The following HS6ST2 variants were observed in gnomAD, a reference collection of about 807,000 sequenced individuals.
The protein encoded by HS6ST2 is heparan-sulfate 6-O-sulfotransferase 2.
Under a neutral mutation model 33.0 loss-of-function variants are expected in HS6ST2, and 17 were observed. That is an observed-to-expected ratio of 0.52 (90% confidence interval 0.35 to 0.77). The LOEUF (loss-of-function observed/expected upper bound fraction) is 0.77. HS6ST2 is among the 30% of genes least tolerant of loss of function. HS6ST2 has a pLI of 0.01. For synonymous variants in HS6ST2, 248 were observed against 237.1 expected (o/e 1.05, Z -0.42); for missense variants, 519 against 551.7 (o/e 0.94, Z 0.59).
intron 2 of HS6ST2, among the ~76,000 whole-genome samples, chrX:132,852,621 G>A (rs1239603178): frequency 8.9e-6 from 1 of 111,969 alleles, no homozygotes; most frequent in African/African-American, 3.2e-5. Flanking sequence ...GACCTCCTTG[G>A]AATAAATCCA....
chrX:132,758,475 G>A (rs993264991), intron 2 of HS6ST2: 1 of 111,869 alleles, frequency 8.9e-6, no homozygotes, highest in Non-Finnish European at 1.9e-5. Context: ...GTCCAATTAC[G>A]TTAGTCTTCT....
At chrX:132,796,104 T>C (rs17000325) in intron 2 of HS6ST2, among the ~76,000 whole-genome samples, 55,487 of 110,287 alleles carry the variant, frequency 0.5, 10,413 homozygotes, top group Middle Eastern at 0.57. Context: ...TTGACAGATA[T>C]TATTTTAAAG....
At chrX:132,741,400 A>G (rs1170628823) in intron 2 of HS6ST2, among the ~76,000 whole-genome samples, 1 of 88,610 alleles carries the variant, frequency 1.1e-5, no homozygotes, top group Non-Finnish European at 2.3e-5. Context: ...CCCAGGTCCA[A>G]GCAATTCTCC....
At chrX:132,949,940 C>G in intron 2 of HS6ST2, among the ~76,000 whole-genome samples, 2 of 111,211 alleles carry the variant, frequency 1.8e-5, no homozygotes, top group South Asian at 7.6e-4. Context: ...TTTCTCTTAG[C>G]ATTAAATCAC....
intron 2 of HS6ST2, among the ~76,000 whole-genome samples, chrX:132,813,679 G>C (rs1014775792): frequency 9.1e-6 from 1 of 109,853 alleles, no homozygotes; most frequent in Admixed American, 9.8e-5. Context: ...CATCAAATTG[G>C]TCACATGTCC....
At position 132,629,200 on chromosome X, in the gene HS6ST2, G is replaced by A; in HGVS notation, c.1068-107C>T. On this transcript the variant is annotated intron_variant, in intron 4 of 4. Coordinates refer to ENST00000370833, the MANE Select transcript of HS6ST2 (RefSeq NM_001394073.1). ...TTCACTGGCTAAAAAGGAAGGCAAA[G>A]CAAAAATGACAGGGATCTGATGGCA... is the stretch of plus-strand genomic sequence containing the variant. 2.2e-5 allele frequency: 19 copies of A among 869,932 alleles called. No individual in the cohort carries two copies. The Admixed American group carries it at 3.0e-4, about 14-fold the overall frequency. 71.7% of individuals were successfully genotyped at this position (869,932 alleles called of 1,213,427 possible).
chrX:132,956,617 G>T (rs907602389), intron 2 of HS6ST2, among the ~76,000 whole-genome samples, 191 bp downstream of exon 2: 5 of 112,780 alleles, frequency 4.4e-5, no homozygotes, highest in Non-Finnish European at 1.9e-5. Context: ...TCCGGGGCCG[G>T]AGCGGAAAGC....
chrX:132,841,355 C>G (rs1422529943), intron 2 of HS6ST2, among the ~76,000 whole-genome samples: 1 of 111,321 alleles, frequency 9.0e-6, no homozygotes, highest in Non-Finnish European at 1.9e-5. Context: ...CTTCTAGTAC[C>G]TCCTCTGTAG....
intron 2 of HS6ST2, among the ~76,000 whole-genome samples, chrX:132,828,173 C>T (rs1344483191): frequency 9.0e-6 from 1 of 111,064 alleles, no homozygotes; most frequent in African/African-American, 3.3e-5. Context: ...AGAAAACAGC[C>T]AGGAGCATTT....
chrX:132,709,780 C>CA (rs1302210744), intron 2 of HS6ST2, among the ~76,000 whole-genome samples: 4 of 102,140 alleles, frequency 3.9e-5, no homozygotes, highest in African/African-American at 1.5e-4. Context: ...GCCTTGTGAA[C>CA]AAAAACAACA....
At chrX:132,741,995 C>T (rs966508383) in intron 2 of HS6ST2, among the ~76,000 whole-genome samples, 1 of 112,089 alleles carries the variant, frequency 8.9e-6, no homozygotes. Flanking sequence ...ACACAAGACA[C>T]AGTCATTGGT....
At chrX:132,842,696 G>A (rs1023344941) in intron 2 of HS6ST2, among the ~76,000 whole-genome samples, 3 of 111,215 alleles carry the variant, frequency 2.7e-5, no homozygotes, top group Admixed American at 9.5e-5. Flanking sequence ...CAGTGCATCC[G>A]ACAGAAGCAG....
chrX:132,860,272 T>G lies in HS6ST2; in HGVS notation c.947+96536A>C, dbSNP rs918683816. On this transcript the variant is annotated intron_variant, in intron 2 of 4. Transcript: ENST00000370833. ...TGTAGTTGATTGGTTTTATGGTGCCTCAGATGGGCTTTTTCCAAGTCCAGG... is the reference window on the plus strand; with the variant it reads ...TGTAGTTGATTGGTTTTATGGTGCCGCAGATGGGCTTTTTCCAAGTCCAGG... Among the ~76,000 whole-genome samples, 18 of 112,027 alleles carry G rather than the reference T, an allele frequency of 1.6e-4. No individual in the cohort carries two copies. The Admixed American group carries it at 1.7e-3, about 11-fold the overall frequency.
intron 2 of HS6ST2, among the ~76,000 whole-genome samples, chrX:132,807,671 T>C (rs989304815): frequency 1.8e-5 from 2 of 112,288 alleles, no homozygotes; most frequent in African/African-American, 6.5e-5. Context: ...AAACAGCTGA[T>C]AGATTCTTCA....
At chrX:132,742,265 TGCAC>T (rs763329664) in intron 2 of HS6ST2, among the ~76,000 whole-genome samples, 289 of 112,191 alleles carry the variant, frequency 2.6e-3, no homozygotes, top group African/African-American at 8.9e-3. Flanking sequence ...GACAGACGTT[TGCAC>T]TTGGATTCAG....
At chrX:132,765,130 G>C (rs1440654490) in intron 2 of HS6ST2, among the ~76,000 whole-genome samples, 2 of 112,300 alleles carry the variant, frequency 1.8e-5, no homozygotes, top group Non-Finnish European at 3.8e-5. Flanking sequence ...CTGCTCCCCT[G>C]TCCTTCAGCA....
At chrX:132,857,834 G>A (rs1388938525) in intron 2 of HS6ST2, among the ~76,000 whole-genome samples, 1 of 112,053 alleles carries the variant, frequency 8.9e-6, no homozygotes, top group Non-Finnish European at 1.9e-5. Context: ...ATTTGTTGAA[G>A]GAAGGGAGGA....
At chrX:132,673,745 G>A (rs1054916210) in intron 3 of HS6ST2, among the ~76,000 whole-genome samples, 2 of 110,460 alleles carry the variant, frequency 1.8e-5, no homozygotes, top group Admixed American at 9.6e-5. Context: ...TCATCTAGTC[G>A]GCCTCCCCAA....
At chrX:132,736,564 C>T (rs1001727310) in intron 2 of HS6ST2, among the ~76,000 whole-genome samples, 3 of 111,502 alleles carry the variant, frequency 2.7e-5, no homozygotes, top group African/African-American at 9.8e-5. Context: ...TATGTAGTAG[C>T]GCAGAGTGAC....
Sources: gnomAD v4.1 joint callset for allele counts (sites outside exome capture counted in the v4.1 genomes callset) on GRCh38, gnomAD v4.1.1 for gene constraint, MANE v1.5 for transcripts, NCBI Gene and HGNC (gene_info 2026-07-23, HGNC 2026-07-21) for gene names.